The following ZC3H12B variants were observed in gnomAD, a reference collection of about 807,000 sequenced individuals.
ZC3H12B encodes zinc finger CCCH-type containing 12B.
A neutral mutation model predicts 43.9 loss-of-function variants in ZC3H12B; 7 were observed. That is an observed-to-expected ratio of 0.16 (90% CI 0.09 to 0.30). ZC3H12B has a LOEUF of 0.30. Ranked by LOEUF, ZC3H12B falls within the 10% of genes least tolerant of loss-of-function variation. ZC3H12B has a pLI of 1.00. For synonymous variants in ZC3H12B, 222 were observed against 241.7 expected, an observed-to-expected ratio of 0.92 and a Z score of 0.76; for missense variants, 475 against 670.2, an observed-to-expected ratio of 0.71 and a Z score of 3.22.
chrX:65,150,607 TGTTA>T, the ZC3H12B span, among the ~76,000 whole-genome samples: 1 of 111,181 alleles, frequency 9.0e-6, no homozygotes, highest in Non-Finnish European at 1.9e-5. Flanking sequence ...TCTGTTCTTG[TGTTA>T]GTTTGTTGAA....
the ZC3H12B span, among the ~76,000 whole-genome samples, chrX:65,209,599 C>G: frequency 9.3e-6 from 1 of 107,338 alleles, no homozygotes; most frequent in Non-Finnish European, 1.9e-5. Context: ...TTACTTCCAA[C>G]TATGTGGTCA....
At chrX:65,162,240 G>A in the ZC3H12B span, among the ~76,000 whole-genome samples, 1 of 110,810 alleles carries the variant, frequency 9.0e-6, no homozygotes, top group Admixed American at 9.7e-5. Context: ...TGACAATTAT[G>A]TGTCTTGGAG....
chrX:65,157,858 G>C, the ZC3H12B span, among the ~76,000 whole-genome samples: 12 of 104,502 alleles, frequency 1.1e-4, no homozygotes, highest in Non-Finnish European at 1.8e-4. Context: ...TGCCATGCTG[G>C]TGTGCTGCAC....
the ZC3H12B span, among the ~76,000 whole-genome samples, chrX:65,283,397 T>C: frequency 9.0e-6 from 1 of 111,685 alleles, no homozygotes; most frequent in Non-Finnish European, 1.9e-5. Context: ...GGAAGCATTC[T>C]CTTTGAAAAC....
chrX:65,414,565 G>A lies in ZC3H12B; in HGVS notation n.407+15861G>A, dbSNP rs148643860. Among the ~76,000 whole-genome samples the A allele has an allele frequency of 1.4e-3, 155 of 111,346 alleles. 5 individuals are homozygous for A. In the East Asian group the frequency reaches 0.034, roughly 24 times the overall value. The stretch of plus-strand genomic sequence containing the variant: ...AGTTATGGCACACAGGAGCATTAGG[G>A]GAGTCCCTGTGGTTTCTTGGTTGGT... On this transcript the variant is annotated intron_variant and non_coding_transcript_variant, in intron 3 of 5. Transcript: ENST00000617377.
chrX:65,442,685 C>A (rs778828004), intron 3 of ZC3H12B, among the ~76,000 whole-genome samples: 1 of 112,108 alleles, frequency 8.9e-6, no homozygotes, highest in African/African-American at 3.2e-5. Context: ...AGGAATTATC[C>A]GACTGGAAAC....
chrX:65,200,839 G>A, the ZC3H12B span, among the ~76,000 whole-genome samples: 1 of 111,283 alleles, frequency 9.0e-6, no homozygotes, highest in African/African-American at 3.3e-5. Context: ...TACTGTCATG[G>A]AATCTTTGAT....
rs1157700101 is a variant in ZC3H12B, at chrX:65,430,407, A to G, written n.407+31703A>G. Among the ~76,000 whole-genome samples the G allele has an allele frequency of 1.2e-4, 13 of 106,464 alleles. 1 individual carries two copies. The highest frequency in any genetic ancestry group is 1.2e-3 in the Admixed American group (12 of 9,955). The allele number at this position is 106,464 out of a possible 115,157, so 92.5% of individuals were successfully genotyped here. A position where few individuals can be genotyped will look rare whatever the true frequency, so the allele number is the denominator to read the frequency against. On this transcript the variant is annotated intron_variant and non_coding_transcript_variant, in intron 3 of 5. Coordinates refer to the ZC3H12B transcript ENST00000617377. ...TGTGCACAATGTGCAGGCTTGTTAC[A>G]TATGTATACATGTGTCATGTTGGTG...
At chrX:65,083,802 T>C in the ZC3H12B span, among the ~76,000 whole-genome samples, 37 of 111,968 alleles carry the variant, frequency 3.3e-4, no homozygotes, top group Admixed American at 2.8e-4. Context: ...TGCAAAGCTA[T>C]TCTAAGCAAA....
chrX:65,459,893 A>G (rs1252015571), intron 3 of ZC3H12B, among the ~76,000 whole-genome samples: 1 of 111,538 alleles, frequency 9.0e-6, no homozygotes, highest in East Asian at 2.8e-4. Flanking sequence ...AAGGGTATTC[A>G]ATTAGGAAAA....
the ZC3H12B span, among the ~76,000 whole-genome samples, chrX:65,162,731 A>G: frequency 6.3e-5 from 7 of 110,789 alleles, no homozygotes; most frequent in Admixed American, 9.5e-5. Context: ...TGTAGCTCAG[A>G]GTAGTTTGAT....
chrX:65,382,775 G>A (rs891999620), intron 2 of ZC3H12B, among the ~76,000 whole-genome samples: 3 of 111,314 alleles, frequency 2.7e-5, no homozygotes, highest in African/African-American at 9.8e-5. Flanking sequence ...TAAAATCAAC[G>A]TACAAAAATC....
the ZC3H12B span, among the ~76,000 whole-genome samples, chrX:65,330,479 T>C: frequency 1.8e-5 from 2 of 111,548 alleles, no homozygotes; most frequent in South Asian, 7.6e-4. Context: ...CCCTGTCTTG[T>C]GCCAATTTTC....
chrX:65,335,474 G>A, the ZC3H12B span, among the ~76,000 whole-genome samples: 2 of 111,950 alleles, frequency 1.8e-5, no homozygotes, highest in Admixed American at 1.9e-4. Context: ...ACTTAACCAC[G>A]AGTGTACAAG....
chrX:65,224,927 G>A, the ZC3H12B span, among the ~76,000 whole-genome samples: 1 of 112,200 alleles, frequency 8.9e-6, no homozygotes, highest in African/African-American at 3.2e-5. Flanking sequence ...TGCCTCTGTA[G>A]GCTCCAACTC....
the ZC3H12B span, among the ~76,000 whole-genome samples, chrX:65,064,892 C>T: frequency 4.5e-5 from 5 of 111,640 alleles, no homozygotes; most frequent in Admixed American, 2.8e-4. Flanking sequence ...TTTACCATTA[C>T]GTGTTGCCTT....
At chrX:65,237,747 A>C in the ZC3H12B span, among the ~76,000 whole-genome samples, 1 of 111,277 alleles carries the variant, frequency 9.0e-6, no homozygotes, top group Non-Finnish European at 1.9e-5. Flanking sequence ...TTTAGTACCT[A>C]GTTTATTGAG....
intron 3 of ZC3H12B, among the ~76,000 whole-genome samples, chrX:65,427,282 C>T (rs1388854048): frequency 9.0e-6 from 1 of 111,050 alleles, no homozygotes; most frequent in Non-Finnish European, 1.9e-5. Flanking sequence ...ATTGCAAATC[C>T]TGTTTTTTTT....
the ZC3H12B span, among the ~76,000 whole-genome samples, chrX:65,287,177 G>T: frequency 1.1e-4 from 12 of 111,079 alleles, no homozygotes; most frequent in Non-Finnish European, 1.9e-4. Flanking sequence ...TGCACTTTTG[G>T]CCAAGTGAAC....
Sources: gnomAD v4.1 joint callset for allele counts (sites outside exome capture counted in the v4.1 genomes callset) on GRCh38, gnomAD v4.1.1 for gene constraint, MANE v1.5 for transcripts, NCBI Gene and HGNC (gene_info 2026-07-23, HGNC 2026-07-21) for gene names.